Variants in TRRAP observed in about 807,000 individuals in gnomAD.
TRRAP encodes transformation/transcription domain associated protein, also known as transformation/transcription domain-associated protein.
A neutral mutation model predicts 438.8 loss-of-function variants in TRRAP; 41 were observed. The observed-to-expected ratio is 0.09, with a 90% CI of 0.07 to 0.12. TRRAP has a LOEUF of 0.12. TRRAP is among the 10% of genes least tolerant of loss of function. TRRAP has a pLI of 1.00. For synonymous variants in TRRAP, 1,994 were observed against 1,962.9 expected, an observed-to-expected ratio of 1.02 and a Z score of -0.42; for missense variants, 3,122 against 5,055.1, an observed-to-expected ratio of 0.62 and a Z score of 11.60.
Position 98,976,374 on chromosome 7 carries a change from C to A in TRRAP, c.7959+106C>A. ...AACAAGTTTCAGAAAATGAGGGAAC[C>A]GCTGGCTGTCACTCGAGCGAATTAG... On this transcript the variant is annotated intron_variant, in intron 54 of 72. Coordinates refer to ENST00000456197, the MANE Select transcript of TRRAP (RefSeq NM_001375524.1). The surrounding 1 kb of genome is among the most constrained non-coding windows in gnomAD (Gnocchi z 4.6). 1 of 1,572,588 alleles carries A rather than the reference C, an allele frequency of 6.4e-7. No homozygotes were observed. The highest frequency in any genetic ancestry group is 1.8e-5 in the Admixed American group (1 of 57,084).
intron 25 of TRRAP, 106 bp from the exon 26 acceptor site, chr7:98,931,299 G>T (rs1790311549): frequency 6.6e-7 from 1 of 1,504,842 alleles, no homozygotes; most frequent in East Asian, 2.3e-5. Flanking sequence ...GGCGAGAAGG[G>T]CATGGACCCC....
In TRRAP at chr7:98,910,288, A is replaced by G; in HGVS notation, c.1583A>G (p.Glu528Gly). The change falls in exon 15 of 73, where the codon GAG (glutamate) becomes GGG (glycine). Residue 528 changes from glutamate to glycine, a missense_variant. Around this residue, in one of 24 missense-constraint regions of TRRAP, gnomAD observed 115 missense variants for 124.6 expected, o/e 0.92. Transcript: ENST00000456197. ...ACCCCGGCCCCCGTGCCTCCCTTCG[A>G]GAAGCAAGGAGAAAAGGACAAGGAA... The part of the protein sequence containing the change: ...PVTPAPVPPF[E>G]KQGEKDKEDK... 1 of 1,588,410 alleles carries G rather than the reference A, an allele frequency of 6.3e-7. No homozygotes were observed. Among genetic ancestry groups the G allele is most frequent in the Non-Finnish European group, 8.5e-7 (1 of 1,172,452 alleles).
intron 24 of TRRAP, 139 bp downstream of exon 24, chr7:98,930,345 G>A (rs1347923047): frequency 1.8e-6 from 2 of 1,120,142 alleles, no homozygotes; most frequent in African/African-American, 1.6e-5. Flanking sequence ...GAGAGGCCAA[G>A]GCGGGCGGCT....
intron 13 of TRRAP, among the ~76,000 whole-genome samples, chr7:98,907,862 G>A (rs961821338): frequency 4.6e-5 from 7 of 151,346 alleles, no homozygotes; most frequent in African/African-American, 1.7e-4. Flanking sequence ...CAGCCATGCT[G>A]GCCCCTATAG....
chr7:98,950,808 C>T (rs1791298488), intron 38 of TRRAP, 68 bp from the exon 39 acceptor site: 3 of 1,458,408 alleles, frequency 2.1e-6, no homozygotes, highest in Non-Finnish European at 1.8e-6. Flanking sequence ...ACTAGCTGTT[C>T]TTCCCGTCTT....
intron 21 of TRRAP, among the ~76,000 whole-genome samples, chr7:98,922,495 G>A (rs571149322): frequency 6.6e-5 from 10 of 152,178 alleles, no homozygotes; most frequent in Admixed American, 3.3e-4. Flanking sequence ...AACACCCACC[G>A]TCTCTCCTCC....
At chr7:98,905,944 C>G (rs1248651732) in intron 12 of TRRAP, among the ~76,000 whole-genome samples, 1 of 152,134 alleles carries the variant, frequency 6.6e-6, no homozygotes, top group Non-Finnish European at 1.5e-5. Context: ...TGATCTCTGA[C>G]CCTGAACGTG....
chr7:98,977,318 T>C (rs997975737), intron 56 of TRRAP, among the ~76,000 whole-genome samples: 1 of 152,224 alleles, frequency 6.6e-6, no homozygotes, highest in Admixed American at 6.5e-5. Context: ...CCCACCACCA[T>C]GCCCAGCTAA....
intron 21 of TRRAP, among the ~76,000 whole-genome samples, chr7:98,924,411 T>C (rs1789937484): frequency 6.6e-6 from 1 of 152,216 alleles, no homozygotes; most frequent in Non-Finnish European, 1.5e-5. Context: ...AAAATATGCA[T>C]GAGACTGGTG....
Position 98,950,834 on chromosome 7 carries a change from T to C in TRRAP, c.5335-42T>C, listed in dbSNP as rs1554418085. ...TTCCCGTCTTAAGAAACAAACAGCA[T>C]GGCTTTGTTTTTCTCCTTCTTTATT... is the stretch of plus-strand genomic sequence containing the variant. On this transcript the variant is annotated intron_variant, in intron 38 of 72. Transcript: ENST00000456197. 4 of 1,484,960 alleles carry C rather than the reference T, an allele frequency of 2.7e-6. No individual in the cohort carries two copies. In the Admixed American group the frequency reaches 7.2e-5, roughly 27 times the overall value. 92.0% of individuals were successfully genotyped at this position (1,484,960 alleles called of 1,614,324 possible).
At position 99,012,577 on chromosome 7, in the gene TRRAP, G is replaced by A; in HGVS notation, c.*222G>A. The A allele has an allele frequency of 1.7e-6, 1 of 582,894 alleles. No homozygotes were observed. Among genetic ancestry groups the A allele is most frequent in the Non-Finnish European group, 2.9e-6 (1 of 342,642 alleles). 36.1% of individuals were successfully genotyped at this position (582,894 alleles called of 1,614,324 possible). A position where few individuals can be genotyped will look rare whatever the true frequency, so the allele number is the denominator to read the frequency against. On this transcript the variant is annotated 3_prime_UTR_variant, in exon 73 of 73. Coordinates refer to ENST00000456197, the MANE Select transcript of TRRAP (RefSeq NM_001375524.1). The surrounding 1 kb of genome is among the most constrained non-coding windows in gnomAD (Gnocchi z 5.9). ...GGGCGAAGCGGTTGGAAATGGCAGA[G>A]CTGAAACTTATTCCAAGCTTTCAAA...
rs527308038 is a variant in TRRAP at position 98,998,763 on chromosome 7, C to A, written c.10309+3915C>A. 422 of 223,660 alleles carry A rather than the reference C, an allele frequency of 1.9e-3. 11 individuals are homozygous for A. In the South Asian group the frequency reaches 0.036, roughly 19 times the overall value. 13.9% of individuals were successfully genotyped at this position (223,660 alleles called of 1,614,324 possible). A position where few individuals can be genotyped will look rare whatever the true frequency, so the allele number is the denominator to read the frequency against. Reference sequence around the variant, plus strand: ...TCTTCGAGTTCTCTTCTAGCCACTCCTTTCTTTCCATCTCTTCCAGTGCCC... The same window carrying A: ...TCTTCGAGTTCTCTTCTAGCCACTCATTTCTTTCCATCTCTTCCAGTGCCC... On this transcript the variant is annotated intron_variant, in intron 67 of 72. Coordinates refer to ENST00000456197, the MANE Select transcript of TRRAP (RefSeq NM_001375524.1).
chr7:99,013,011 T>C lies in TRRAP; in HGVS notation c.*656T>C, dbSNP rs1342157991. On this transcript the variant is annotated 3_prime_UTR_variant, in exon 73 of 73. Transcript: ENST00000456197. ...ACTCTGAGAGTCTGCAGGCGGCTCC[T>C]GTGCTTTTTATTTCTGGCTCTTCGG... 2 of 152,268 alleles carry C rather than the reference T, an allele frequency of 1.3e-5. No individual in the cohort carries two copies. Among genetic ancestry groups the C allele is most frequent in the African/African-American group, 2.4e-5 (1 of 41,470 alleles). 9.4% of individuals were successfully genotyped at this position (152,268 alleles called of 1,614,324 possible).
At chr7:98,950,003 A>G (rs1584350009) in intron 37 of TRRAP, 61 bp from the exon 38 acceptor site, 2 of 1,604,364 alleles carry the variant, frequency 1.2e-6, no homozygotes, top group East Asian at 4.5e-5. Context: ...GGCAAGTCAG[A>G]GGCGTAGTTG....
intron 52 of TRRAP, among the ~76,000 whole-genome samples, chr7:98,970,826 C>T (rs1276539192): frequency 6.6e-6 from 1 of 152,198 alleles, no homozygotes; most frequent in African/African-American, 2.4e-5. Flanking sequence ...GCAGCCTGCT[C>T]AGAACCCATG....
rs1489798705 is a variant in TRRAP at position 98,948,507 on chromosome 7, C to T, written c.4669-59C>T. On this transcript the variant is annotated intron_variant, in intron 34 of 72. Transcript: ENST00000456197. The surrounding 1 kb of genome is among the most constrained non-coding windows in gnomAD (Gnocchi z 4.9). ...GTAACAAGGGACCTTGTTAGGTAGA[C>T]AGCCTCAAGCTCTGAGAAGAGGAAG... The T allele has an allele frequency of 8.1e-6, 13 of 1,613,558 alleles. No homozygotes were observed. The highest frequency in any genetic ancestry group is 8.0e-5 in the African/African-American group (6 of 74,930).
intron 48 of TRRAP, among the ~76,000 whole-genome samples, chr7:98,965,136 G>A (rs544598402): frequency 9.6e-4 from 146 of 152,334 alleles, no homozygotes; most frequent in African/African-American, 3.3e-3. Flanking sequence ...GTGTGCATGC[G>A]TGTGCATGTG....
At chr7:98,900,588 A>C (rs782216979) in intron 10 of TRRAP, 36 bp from the exon 11 acceptor site, 7 of 1,549,008 alleles carry the variant, frequency 4.5e-6, no homozygotes, top group Non-Finnish European at 5.3e-6. Context: ...ATCACTCATA[A>C]TTGAGAGGTA....
intron 63 of TRRAP, among the ~76,000 whole-genome samples, chr7:98,989,310 C>T (rs983661874): frequency 6.6e-6 from 1 of 152,102 alleles, no homozygotes; most frequent in African/African-American, 2.4e-5. Flanking sequence ...CATCCCTCCC[C>T]TGCAGGGCTG....
Sources: gnomAD v4.1 joint callset for allele counts (sites outside exome capture counted in the v4.1 genomes callset) on GRCh38, gnomAD v4.1.1 for gene constraint, gnomAD v4.1.1 regional missense constraint, Gnocchi (gnomAD v3.1) non-coding constraint, MANE v1.5 for transcripts, NCBI Gene and HGNC (gene_info 2026-07-23, HGNC 2026-07-21) for gene names.